The following ADCY3 variants were observed in gnomAD, a reference collection of about 807,000 sequenced individuals.
ADCY3 encodes adenylate cyclase 3, also known as adenylate cyclase type 3.
Under a neutral mutation model 119.4 loss-of-function variants are expected in ADCY3, and 70 were observed. The observed-to-expected ratio is 0.59, with a 90% CI of 0.48 to 0.72. The LOEUF (loss-of-function observed/expected upper bound fraction) is 0.72, where lower values mean the gene tolerates loss of function less well. Ranked by LOEUF, ADCY3 falls within the 30% of genes least tolerant of loss-of-function variation. The pLI is 0.00. For missense variants in ADCY3, 1,238 were observed against 1,541.6 expected, an observed-to-expected ratio of 0.80 and a Z score of 3.30; for synonymous variants, 672 against 621.4, an observed-to-expected ratio of 1.08 and a Z score of -1.21.
chr2:24,896,510 T>G (rs1474313291), intron 2 of ADCY3, among the ~76,000 whole-genome samples: 2 of 152,198 alleles, frequency 1.3e-5, no homozygotes, highest in Non-Finnish European at 2.9e-5. Context: ...CTTCTTTGTC[T>G]AGTAATTTTT....
chr2:24,826,209 G>A, intron 15 of ADCY3, 83 bp from the exon 16 acceptor site: 2 of 1,247,778 alleles, frequency 1.6e-6, no homozygotes, highest in South Asian at 1.3e-5. Flanking sequence ...AGATGGTGCT[G>A]CTTCCTGCCA....
intron 2 of ADCY3, among the ~76,000 whole-genome samples, chr2:24,917,652 G>T (rs186400041): frequency 1.3e-5 from 2 of 152,136 alleles, no homozygotes; most frequent in Admixed American, 1.3e-4. Context: ...GAGACCCTAC[G>T]TCACAGTGGC....
rs953785166 is a variant in ADCY3, at chr2:24,919,191, A to C, written c.-197-7T>G. ...TAGCACTGATCAGCTAGAACTGAAA[A>C]GGGCATTGCTGAGTAGAAGCACCTC... On this transcript the variant is annotated splice_polypyrimidine_tract_variant and splice_region_variant and intron_variant, in intron 1 of 21. Transcript: ENST00000679454. The surrounding 1 kb of genome is among the most constrained non-coding windows in gnomAD (Gnocchi z 5.5). 7.1e-5 allele frequency: 42 copies of C among 589,180 alleles called. No individual in the cohort carries two copies. The East Asian group carries it at 1.2e-3, about 16-fold the overall frequency. 36.5% of individuals were successfully genotyped at this position (589,180 alleles called of 1,614,324 possible).
At chr2:24,895,066 T>C (rs61075454) in intron 2 of ADCY3, among the ~76,000 whole-genome samples, 7,052 of 152,112 alleles carry the variant, frequency 0.046, 500 homozygotes, top group African/African-American at 0.16. Flanking sequence ...CTGATTACAA[T>C]GTGCCTTGAT....
Position 24,906,611 on chromosome 2 carries a change from C to T in ADCY3, c.675+11702G>A, listed in dbSNP as rs62140610. ...GCAGTGGGGTCGGCCCCCAGCCCCA[C>T]GTGGGAGGATGAACAACCCTCGGCA... is the stretch of plus-strand genomic sequence containing the variant. On this transcript the variant is annotated intron_variant, in intron 2 of 21. Coordinates refer to ENST00000679454, the MANE Select transcript of ADCY3 (RefSeq NM_004036.5). Among the ~76,000 whole-genome samples, 770 of 152,340 alleles carry T rather than the reference C, an allele frequency of 5.1e-3. 4 individuals carry two copies. Among genetic ancestry groups the T allele is most frequent in the Middle Eastern group, 0.014 (4 of 294 alleles).
In ADCY3 at chr2:24,898,893, C is replaced by T. The variant is rs1036399683; in HGVS notation, c.675+19420G>A. On this transcript the variant is annotated intron_variant, in intron 2 of 21. Coordinates refer to ENST00000679454, the MANE Select transcript of ADCY3 (RefSeq NM_004036.5). This position sits in a 1 kb window ranked among gnomAD's most constrained non-coding sequence, Gnocchi z 4.3. ...TGGAAACCCTTTCACCGCCAGAGAA[C>T]TCCAGCGCGGACGCCAAGCACGACC... 6.6e-6 allele frequency among the ~76,000 whole-genome samples: 1 copy of T among 152,208 alleles called. No individual in the cohort carries two copies. Among genetic ancestry groups the T allele is most frequent in the Non-Finnish European group, 1.5e-5 (1 of 68,038 alleles).
intron 3 of ADCY3, among the ~76,000 whole-genome samples, chr2:24,862,664 A>G (rs78072553): frequency 1.7e-3 from 255 of 152,310 alleles, no homozygotes; most frequent in African/African-American, 5.8e-3. Context: ...GTGGCACAAC[A>G]TGGTGAGTGT....
intron 19 of ADCY3, 168 bp downstream of exon 19, chr2:24,822,343 G>A (rs1465542689): frequency 9.1e-6 from 9 of 988,742 alleles, no homozygotes; most frequent in East Asian, 2.6e-5. Flanking sequence ...TCTGCTTGCC[G>A]AACTTTCTCA....
intron 19 of ADCY3, 87 bp from the exon 20 acceptor site, chr2:24,821,727 T>C: frequency 6.4e-7 from 1 of 1,551,140 alleles, no homozygotes; most frequent in Non-Finnish European, 8.7e-7. Context: ...GTTCTGGGGG[T>C]GGATTCCCTA....
intron 2 of ADCY3, among the ~76,000 whole-genome samples, chr2:24,906,077 C>T (rs1407613223): frequency 1.2e-4 from 18 of 152,076 alleles, no homozygotes; most frequent in Admixed American, 3.3e-4. Context: ...GAGGCTGAGG[C>T]GGGCGGATCA....
intron 9 of ADCY3, 90 bp from the exon 10 acceptor site, chr2:24,835,026 C>T (rs1670113550): frequency 2.0e-6 from 3 of 1,469,734 alleles, no homozygotes; most frequent in Non-Finnish European, 2.8e-6. Flanking sequence ...AGGAAAGGAA[C>T]AAAAGAGGGC....
intron 8 of ADCY3, 136 bp from the exon 9 acceptor site, chr2:24,837,181 A>G (rs181083618): frequency 2.3e-5 from 24 of 1,026,386 alleles, no homozygotes; most frequent in Non-Finnish European, 3.3e-5. Context: ...TGTGGATTGC[A>G]AAGTGAGGCG....
At chr2:24,883,356 T>TA (rs34488542) in intron 2 of ADCY3, among the ~76,000 whole-genome samples, 3 of 150,776 alleles carry the variant, frequency 2.0e-5, no homozygotes, top group Non-Finnish European at 4.4e-5. Flanking sequence ...TCAAAAAAAA[T>TA]AAAAAAAAGA....
At chr2:24,833,514 C>T (rs1669884002) in intron 11 of ADCY3, among the ~76,000 whole-genome samples, 2 of 152,252 alleles carry the variant, frequency 1.3e-5, no homozygotes, top group African/African-American at 4.8e-5. Context: ...CAGCAGCATA[C>T]CCGCCTCCCT....
intron 2 of ADCY3, among the ~76,000 whole-genome samples, chr2:24,902,755 C>T (rs1237131730): frequency 6.6e-6 from 1 of 152,182 alleles, no homozygotes; most frequent in Non-Finnish European, 1.5e-5. Context: ...CCTGGCCAGG[C>T]GCAGTGGCTC....
rs142933215 is a variant in ADCY3 at position 24,903,193 on chromosome 2, G to T, written c.675+15120C>A. 2.8e-3 allele frequency among the ~76,000 whole-genome samples: 418 copies of T among 151,958 alleles called. 1 individual carries two copies. The highest frequency in any genetic ancestry group is 9.6e-3 in the African/African-American group (396 of 41,414). On this transcript the variant is annotated intron_variant, in intron 2 of 21. Transcript: ENST00000679454. Reference sequence around the variant, plus strand: ...AGTTATACATGGATGTTGACTGTGTGGGGGGCAGCACCCCTAACGCCTGTG... The same window carrying T: ...AGTTATACATGGATGTTGACTGTGTTGGGGGCAGCACCCCTAACGCCTGTG...
chr2:24,887,634 GAC>G (rs1298480168), intron 2 of ADCY3, among the ~76,000 whole-genome samples: 2 of 151,608 alleles, frequency 1.3e-5, no homozygotes, highest in Admixed American at 1.3e-4. Context: ...ACTCCCCCCC[GAC>G]ACACACACCT....
chr2:24,828,061 G>A lies in ADCY3; in HGVS notation c.2273C>T (p.Ala758Val). 6.2e-7 allele frequency: 1 copy of A among 1,614,228 alleles called. No individual in the cohort carries two copies. The highest frequency in any genetic ancestry group is 8.5e-7 in the Non-Finnish European group (1 of 1,180,056). The stretch of plus-strand genomic sequence containing the variant: ...GATGGTGGCGATGAGGGACAGCACG[G>A]CCACATAGTTGTAATACTTGGGGTT... ...LENPKYYNYV[A>V]VLSLIATIML... The change falls in exon 14 of 22, where the codon GCC becomes GTC. Residue 758 changes from alanine (A) to valine (V), a missense_variant. This residue lies in a region of ADCY3 where 499 missense variants were observed against 571.0 expected (regional missense o/e 0.87). Coordinates refer to ENST00000679454, the MANE Select transcript of ADCY3 (RefSeq NM_004036.5).
intron 2 of ADCY3, among the ~76,000 whole-genome samples, chr2:24,889,263 AAGTTCT>A (rs1214407926): frequency 6.6e-6 from 1 of 152,236 alleles, no homozygotes; most frequent in Non-Finnish European, 1.5e-5. Flanking sequence ...TATTTGAAGC[AAGTTCT>A]AGTTTGAACA....
Sources: allele counts gnomAD v4.1 joint callset (sites outside exome capture counted in the v4.1 genomes callset), GRCh38; gene constraint gnomAD v4.1.1; regional missense constraint gnomAD v4.1.1; non-coding constraint Gnocchi (gnomAD v3.1); transcripts MANE v1.5; gene names NCBI Gene and HGNC (gene_info 2026-07-23, HGNC 2026-07-21).